PRKRIP1: variants seen among roughly 807,000 people sequenced by gnomAD.
PRKRIP1 encodes PRKR-interacting protein 1.
In PRKRIP1, 29 loss-of-function variants were observed where a neutral mutation model predicts 29.3. The ratio of observed to expected loss-of-function variants is 0.99; its 90% CI spans 0.74 to 1.35. PRKRIP1 has a LOEUF of 1.35. Ranked by LOEUF, PRKRIP1 falls within the 40% of genes most tolerant of loss-of-function variation. PRKRIP1 has a pLI of 0.00. For missense variants in PRKRIP1, 247 were observed against 236.8 expected (o/e 1.04, Z -0.28); for synonymous variants, 90 against 85.1 (o/e 1.06, Z -0.32).
Position 102,396,543 on chromosome 7 carries a change from A to G in PRKRIP1, c.126+6A>G, listed in dbSNP as rs781831240. The stretch of plus-strand genomic sequence containing the variant: ...AGCGGCTCATGAAGAACCCGGTGAG[A>G]CGAGGCCCAGGCTCCACGGCCCGTC... On this transcript the variant is annotated splice_donor_region_variant and intron_variant, in intron 1 of 5. Transcript: ENST00000397912. 2 of 1,605,670 alleles carry G rather than the reference A, an allele frequency of 1.2e-6. No individual in the cohort carries two copies. The highest frequency in any genetic ancestry group is 1.7e-6 in the Non-Finnish European group (2 of 1,177,224).
intron 5 of PRKRIP1, among the ~76,000 whole-genome samples, chr7:102,418,449 C>G (rs1796610395): frequency 6.6e-6 from 1 of 152,188 alleles, no homozygotes; most frequent in Non-Finnish European, 1.5e-5. Flanking sequence ...TTTAGGCTCT[C>G]TCAGCTGACA....
chr7:102,406,519 C>G (rs1041807118), intron 4 of PRKRIP1, among the ~76,000 whole-genome samples: 9 of 152,178 alleles, frequency 5.9e-5, no homozygotes, highest in African/African-American at 2.2e-4. Flanking sequence ...TTCCAGTTTG[C>G]TTCAAATGCT....
In PRKRIP1 at chr7:102,425,351, G is replaced by A. The variant is rs1796805554; in HGVS notation, c.*240G>A. On this transcript the variant is annotated 3_prime_UTR_variant, in exon 6 of 6. Transcript: ENST00000397912. ...ACCATCCGTGCTCCTGGTAAAGGGGGACAGAGAGCCTCACCTTGCCACATA... is the reference window on the plus strand; with the variant it reads ...ACCATCCGTGCTCCTGGTAAAGGGGAACAGAGAGCCTCACCTTGCCACATA... The A allele has an allele frequency of 2.9e-6, 2 of 697,810 alleles. No homozygotes were observed. Among genetic ancestry groups the A allele is most frequent in the Non-Finnish European group, 4.6e-6 (2 of 433,520 alleles). The allele number at this position is 697,810 out of a possible 1,614,324, so 43.2% of individuals were successfully genotyped here. A position where few individuals can be genotyped will look rare whatever the true frequency, so the allele number is the denominator to read the frequency against.
At chr7:102,411,938 T>TG (rs1284779947) in intron 5 of PRKRIP1, among the ~76,000 whole-genome samples, 2 of 27,896 alleles carry the variant, frequency 7.2e-5, no homozygotes, top group East Asian at 5.5e-3. Flanking sequence ...TTGTTGTTGT[T>TG]TTGTTTGTTT....
chr7:102,408,887 A>G (rs1796300280), intron 5 of PRKRIP1, among the ~76,000 whole-genome samples: 1 of 151,680 alleles, frequency 6.6e-6, no homozygotes. Flanking sequence ...CAAAAAAATA[A>G]AACAGGCCAG....
intron 5 of PRKRIP1, among the ~76,000 whole-genome samples, chr7:102,411,049 CTCT>C (rs1796367844): frequency 6.6e-6 from 1 of 152,184 alleles, no homozygotes; most frequent in African/African-American, 2.4e-5. Context: ...TTACCTCAGC[CTCT>C]TGAGTAGCTG....
At chr7:102,414,683 G>A (rs1796483220) in intron 5 of PRKRIP1, among the ~76,000 whole-genome samples, 1 of 152,078 alleles carries the variant, frequency 6.6e-6, no homozygotes, top group South Asian at 2.1e-4. Context: ...CAGGAGTTGG[G>A]AAACCAGCCT....
Position 102,426,077 on chromosome 7 carries a change from C to T in PRKRIP1, c.*966C>T, listed in dbSNP as rs1475488892. On this transcript the variant is annotated 3_prime_UTR_variant, in exon 6 of 6. Coordinates refer to ENST00000397912, the MANE Select transcript of PRKRIP1 (RefSeq NM_024653.4). ...ATGTGGCGCAGCCTCAAACTGGCAT[C>T]CAGGCACTGGGCCCATGCAGAGAAG... The T allele has an allele frequency of 3.3e-5, 5 of 152,956 alleles. No homozygotes were observed. The highest frequency in any genetic ancestry group is 1.9e-4 in the East Asian group (1 of 5,204). 9.5% of individuals were successfully genotyped at this position (152,956 alleles called of 1,614,324 possible). A position where few individuals can be genotyped will look rare whatever the true frequency, so the allele number is the denominator to read the frequency against.
In PRKRIP1 at chr7:102,426,135, G is replaced by A. The variant is rs1327338347; in HGVS notation, c.*1024G>A. 6.5e-6 allele frequency: 1 copy of A among 152,838 alleles called. No individual in the cohort carries two copies. Among genetic ancestry groups the A allele is most frequent in the Non-Finnish European group, 1.5e-5 (1 of 68,316 alleles). The allele number at this position is 152,838 out of a possible 1,614,324, so 9.5% of individuals were successfully genotyped here. On this transcript the variant is annotated 3_prime_UTR_variant, in exon 6 of 6. Transcript: ENST00000397912. ...CAGAGAGCAGGGCAGCCCGGCGCAG[G>A]GGCATGCGCCTAGAATCCCAGCTAC...
rs1400409157 is a variant in PRKRIP1, at chr7:102,424,532, T to C, written c.458-482T>C. ...GCTGCTCACAGGTGTCAGGAGGGGC[T>C]TCCTGGGCCATGCTTGGGAGGAGCT... is the stretch of plus-strand genomic sequence containing the variant. On this transcript the variant is annotated intron_variant, in intron 5 of 5. Coordinates refer to ENST00000397912, the MANE Select transcript of PRKRIP1 (RefSeq NM_024653.4). Among the ~76,000 whole-genome samples, 5 of 152,204 alleles carry C rather than the reference T, an allele frequency of 3.3e-5. No individual in the cohort carries two copies. The South Asian group carries it at 8.3e-4, about 25-fold the overall frequency.
intron 5 of PRKRIP1, among the ~76,000 whole-genome samples, chr7:102,416,746 C>T (rs528962760): frequency 6.6e-6 from 1 of 150,650 alleles, no homozygotes; most frequent in African/African-American, 2.4e-5. Flanking sequence ...GTGGCACCAT[C>T]TCACCTCACT....
At chr7:102,414,992 C>T (rs1282722581) in intron 5 of PRKRIP1, among the ~76,000 whole-genome samples, 1 of 152,168 alleles carries the variant, frequency 6.6e-6, no homozygotes, top group African/African-American at 2.4e-5. Context: ...TTGCAGGTTA[C>T]TTTCCGAAGA....
chr7:102,418,846 C>T (rs1412656997), intron 5 of PRKRIP1, among the ~76,000 whole-genome samples: 1 of 151,392 alleles, frequency 6.6e-6, no homozygotes, highest in Non-Finnish European at 1.5e-5. Flanking sequence ...TAGATCAGCA[C>T]TTTCTTTGTT....
Position 102,397,672 on chromosome 7 carries a change from C to T in PRKRIP1, c.179C>T (p.Pro60Leu), listed in dbSNP as rs782208901. 1.2e-6 allele frequency: 2 copies of T among 1,613,660 alleles called. No homozygotes were observed. The highest frequency in any genetic ancestry group is 3.3e-5 in the Admixed American group (2 of 59,940). Residue 60 changes from proline to leucine, a missense_variant, in exon 2 of 6, where the codon CCC (proline) becomes CTC (leucine). Transcript: ENST00000397912. ...ATGAGTGAATGGGCACCTCGACCTC[C>T]CCCAGAATTTGTCCGAGATGTCATG... ...EKMSEWAPRP[P>L]PEFVRDVMGS...
intron 2 of PRKRIP1, among the ~76,000 whole-genome samples, chr7:102,398,329 G>T (rs1795973018): frequency 6.6e-6 from 1 of 151,906 alleles, no homozygotes; most frequent in African/African-American, 2.4e-5. Context: ...CTGTCACCCA[G>T]GCTGTAGTGC....
At chr7:102,410,219 C>CT (rs1477687823) in intron 5 of PRKRIP1, among the ~76,000 whole-genome samples, 1 of 152,144 alleles carries the variant, frequency 6.6e-6, no homozygotes, top group Non-Finnish European at 1.5e-5. Flanking sequence ...GGCTGTCTTT[C>CT]TTGGGCATGT....
At chr7:102,422,158 TATTATTATTATTATTATTATG>T (rs1286621262) in intron 5 of PRKRIP1, among the ~76,000 whole-genome samples, 5 of 138,072 alleles carry the variant, frequency 3.6e-5, no homozygotes, top group African/African-American at 5.7e-5. Context: ...TTATTATTAT[TATTATTATTATTATTATTATG>T]ATTATTATTA....
chr7:102,402,069 G>A (rs1554571229), intron 3 of PRKRIP1, among the ~76,000 whole-genome samples: 1 of 152,154 alleles, frequency 6.6e-6, no homozygotes, highest in East Asian at 1.9e-4. Flanking sequence ...ATCCTAGTGA[G>A]AAGTATTAGA....
intron 5 of PRKRIP1, chr7:102,423,259 C>T (rs971953334): frequency 3.8e-5 from 16 of 416,268 alleles, no homozygotes; most frequent in East Asian, 1.5e-4. Flanking sequence ...GGATTACAGG[C>T]GCCCGCCACC....
Sources: gnomAD v4.1 joint callset for allele counts (sites outside exome capture counted in the v4.1 genomes callset) on GRCh38, gnomAD v4.1.1 for gene constraint, MANE v1.5 for transcripts, NCBI Gene and HGNC (gene_info 2026-07-23, HGNC 2026-07-21) for gene names.